FRMD3: variants seen among roughly 807,000 people sequenced by gnomAD.
FRMD3 encodes FERM domain-containing protein 3.
In FRMD3, 33 loss-of-function variants were observed where a neutral mutation model predicts 70.2. The ratio of observed to expected loss-of-function variants is 0.47; its 90% CI spans 0.36 to 0.63. The LOEUF is 0.63. Among genes scored for constraint, FRMD3 ranks in the 20% least tolerant of loss-of-function variants. The probability of loss-of-function intolerance (pLI) is 0.00; values close to 1 mark genes in which losing one functional copy is unlikely to be tolerated. For synonymous variants in FRMD3, 279 were observed against 255.9 expected, an observed-to-expected ratio of 1.09 and a Z score of -0.86; for missense variants, 632 against 711.4, an observed-to-expected ratio of 0.89 and a Z score of 1.27.
chr9:83,496,104 T>C (rs1434756160), intron 1 of FRMD3, among the ~76,000 whole-genome samples: 1 of 152,168 alleles, frequency 6.6e-6, no homozygotes, highest in African/African-American at 2.4e-5. Flanking sequence ...GTGCCTCAAA[T>C]CTGGTGCCTG....
rs370568009 is a variant in FRMD3 at position 83,314,403 on chromosome 9, A to G, written c.597-656T>C. On this transcript the variant is annotated intron_variant, in intron 6 of 13. Coordinates refer to ENST00000304195, the MANE Select transcript of FRMD3 (RefSeq NM_174938.6). ...AAAGACCCCACTTTGACTAATATTA[A>G]TATCCTACATGTATTTTAGAGAATC... Among the ~76,000 whole-genome samples, 4 of 152,364 alleles carry G rather than the reference A, an allele frequency of 2.6e-5. No individual in the cohort carries two copies. The South Asian group carries it at 8.3e-4, about 32-fold the overall frequency.
At chr9:83,513,553 T>C (rs958428867) in intron 1 of FRMD3, among the ~76,000 whole-genome samples, 3 of 152,246 alleles carry the variant, frequency 2.0e-5, no homozygotes, top group Non-Finnish European at 4.4e-5. Flanking sequence ...TCCTTTTGCT[T>C]AATCATTATA....
intron 3 of FRMD3, among the ~76,000 whole-genome samples, chr9:83,370,990 C>T (rs1824954077): frequency 6.6e-6 from 1 of 152,164 alleles, no homozygotes; most frequent in Admixed American, 6.5e-5. Context: ...AAATTTCTCA[C>T]AAGTTTTAAA....
intron 13 of FRMD3, chr9:83,267,365 G>A: frequency 7.7e-7 from 1 of 1,306,668 alleles, no homozygotes; most frequent in South Asian, 1.8e-5. Context: ...AACAAACAAT[G>A]AAAGATTATG....
At chr9:83,437,704 T>C (rs1193992535) in intron 1 of FRMD3, among the ~76,000 whole-genome samples, 2 of 152,136 alleles carry the variant, frequency 1.3e-5, no homozygotes, top group African/African-American at 2.4e-5. Flanking sequence ...ATTGAGCCTA[T>C]AAACCAGGCA....
At chr9:83,386,363 G>C (rs1825510578) in intron 2 of FRMD3, among the ~76,000 whole-genome samples, 1 of 152,194 alleles carries the variant, frequency 6.6e-6, no homozygotes, top group South Asian at 2.1e-4. Context: ...GAGCAATTTA[G>C]TGGCTACATG....
chr9:83,547,725 G>A, the FRMD3 span, among the ~76,000 whole-genome samples: 56 of 152,038 alleles, frequency 3.7e-4, no homozygotes, highest in Non-Finnish European at 6.5e-4. Flanking sequence ...CCCAACAACT[G>A]CCAAACATAC....
intron 1 of FRMD3, among the ~76,000 whole-genome samples, chr9:83,424,989 G>A (rs1290039186): frequency 6.6e-6 from 1 of 152,250 alleles, no homozygotes; most frequent in African/African-American, 2.4e-5. Context: ...TAGATGAGAA[G>A]AGGGCAATGA....
chr9:83,374,748 T>C (rs540473442), intron 2 of FRMD3, among the ~76,000 whole-genome samples: 11 of 152,350 alleles, frequency 7.2e-5, no homozygotes, highest in African/African-American at 2.6e-4. Flanking sequence ...ATGCAGTTCT[T>C]ATTATTTAAT....
chr9:83,465,667 C>T (rs1295232799), intron 1 of FRMD3, among the ~76,000 whole-genome samples: 1 of 152,128 alleles, frequency 6.6e-6, no homozygotes, highest in African/African-American at 2.4e-5. Context: ...ATATAAAAAT[C>T]ATATAAGAAC....
rs1281076707 is a variant in FRMD3, at chr9:83,479,728, AGG to A, written c.147+58355_147+58356del. Among the ~76,000 whole-genome samples the A allele has an allele frequency of 4.6e-3, 247 of 53,908 alleles. 23 individuals are homozygous for A. The highest frequency in any genetic ancestry group is 6.5e-3 in the South Asian group (10 of 1,528). The allele number at this position is 53,908 out of a possible 152,430, so 35.4% of individuals were successfully genotyped here. The stretch of plus-strand genomic sequence containing the variant: ...AGAAAGAAAGAAAGAAAGAAAAGAA[AGG>A]GAAAGAAAGAAAAAGAAAAGAGAAG... On this transcript the variant is annotated intron_variant, in intron 1 of 13. Transcript: ENST00000304195.
intron 13 of FRMD3, among the ~76,000 whole-genome samples, chr9:83,258,587 A>G (rs1410665296): frequency 6.6e-6 from 1 of 152,248 alleles, no homozygotes; most frequent in Non-Finnish European, 1.5e-5. Context: ...GATCGAACTG[A>G]GAGAAAGCAC....
At chr9:83,261,177 C>A (rs1832974278) in intron 13 of FRMD3, among the ~76,000 whole-genome samples, 2 of 150,912 alleles carry the variant, frequency 1.3e-5, no homozygotes, top group African/African-American at 4.9e-5. Context: ...TGCTCCCCAG[C>A]TGAAATCTGG....
rs1832234690 is a variant in FRMD3, at chr9:83,248,453, G to C, written c.1259C>G (p.Ala420Gly). 1.2e-6 allele frequency: 2 copies of C among 1,613,830 alleles called. No homozygotes were observed. The highest frequency in any genetic ancestry group is 1.7e-6 in the Non-Finnish European group (2 of 1,179,990). The change falls in exon 14 of 14, where the codon GCA (alanine) becomes GGA (glycine). Residue 420 changes from alanine to glycine, a missense_variant. Coordinates refer to ENST00000304195, the MANE Select transcript of FRMD3 (RefSeq NM_174938.6). Reference protein sequence around the residue: ...APLISSSPVKAAREYEDPPSE... With the variant: ...APLISSSPVKGAREYEDPPSE... ...AGGGGGATCTTCATACTCCCGGGCT[G>C]CCTTCACTGGGGAGCTGGAGATCAA...
the FRMD3 span, among the ~76,000 whole-genome samples, chr9:83,581,471 A>G: frequency 6.6e-6 from 1 of 152,218 alleles, no homozygotes; most frequent in African/African-American, 2.4e-5. Context: ...AGTATTGTCA[A>G]GGATGTGGAG....
chr9:83,253,431 A>G (rs1832521653), intron 13 of FRMD3, among the ~76,000 whole-genome samples: 2 of 152,168 alleles, frequency 1.3e-5, no homozygotes, highest in Admixed American at 1.3e-4. Context: ...AAAAACAAAC[A>G]ACCCCATCAA....
chr9:83,395,951 T>C (rs58236347), intron 1 of FRMD3, among the ~76,000 whole-genome samples: 12,498 of 152,270 alleles, frequency 0.082, 593 homozygotes, highest in East Asian at 0.14. Flanking sequence ...GGTATGAACA[T>C]AGTAATAAGA....
intron 12 of FRMD3, among the ~76,000 whole-genome samples, chr9:83,293,890 A>C (rs1340079580): frequency 2.0e-5 from 3 of 152,188 alleles, no homozygotes; most frequent in Non-Finnish European, 4.4e-5. Context: ...GACTCAGATA[A>C]ACCCAAAGGT....
At chr9:83,385,578 A>C (rs1825488458) in intron 2 of FRMD3, among the ~76,000 whole-genome samples, 2 of 152,162 alleles carry the variant, frequency 1.3e-5, no homozygotes, top group African/African-American at 2.4e-5. Flanking sequence ...ATATTCAACA[A>C]TGGTTTACTG....
Sources: allele counts gnomAD v4.1 joint callset (sites outside exome capture counted in the v4.1 genomes callset), GRCh38; gene constraint gnomAD v4.1.1; transcripts MANE v1.5; gene names NCBI Gene and HGNC (gene_info 2026-07-23, HGNC 2026-07-21).